The following SNX8 variants were observed in gnomAD, a reference collection of about 807,000 sequenced individuals.
The protein encoded by SNX8 is sorting nexin-8.
SNX8 carries 25 observed loss-of-function variants against 51.6 expected under a neutral mutation model. That is an observed-to-expected ratio of 0.48 (90% CI 0.35 to 0.68). The LOEUF is 0.68. Ranked by LOEUF, SNX8 falls within the 30% of genes least tolerant of loss-of-function variation. The pLI is 0.00. For synonymous variants in SNX8, 324 were observed against 277.0 expected (o/e 1.17, Z -1.68); for missense variants, 695 against 624.0 (o/e 1.11, Z -1.21).
intron 1 of SNX8, among the ~76,000 whole-genome samples, chr7:2,281,436 A>C (rs1483406683): frequency 6.6e-6 from 1 of 151,970 alleles, no homozygotes; most frequent in African/African-American, 2.4e-5. Flanking sequence ...AAAAAGGAAA[A>C]AAAAAAAAAC....
intron 1 of SNX8, among the ~76,000 whole-genome samples, chr7:2,298,806 C>T (rs1378180513): frequency 6.6e-6 from 1 of 151,954 alleles, no homozygotes; most frequent in Non-Finnish European, 1.5e-5. Flanking sequence ...ATTCTCATAC[C>T]TCAGCCTCCC....
At chr7:2,332,995 C>A (rs1174150356) in intron 1 of SNX8, among the ~76,000 whole-genome samples, 1 of 152,074 alleles carries the variant, frequency 6.6e-6, no homozygotes, top group Non-Finnish European at 1.5e-5. Flanking sequence ...GTAAGCTGGG[C>A]ACAGTGGCTA....
intron 1 of SNX8, among the ~76,000 whole-genome samples, chr7:2,306,262 G>T (rs1293642432): frequency 2.6e-5 from 4 of 152,068 alleles, no homozygotes; most frequent in African/African-American, 9.7e-5. Flanking sequence ...CGAGTAGCTG[G>T]GATTACAGGC....
chr7:2,310,688 G>A (rs150816944), intron 1 of SNX8, among the ~76,000 whole-genome samples: 5,365 of 151,992 alleles, frequency 0.035, 216 homozygotes, highest in African/African-American at 0.085. Context: ...GAAGAATGGC[G>A]TCAACCCAGG....
intron 1 of SNX8, chr7:2,310,078 G>C (rs531372884): frequency 1.1e-5 from 4 of 354,314 alleles, no homozygotes; most frequent in South Asian, 6.3e-5. Context: ...TCAATGTAGG[G>C]CCGCAGGACT....
intron 1 of SNX8, among the ~76,000 whole-genome samples, chr7:2,323,896 G>C (rs540310705): frequency 4.5e-4 from 69 of 152,044 alleles, no homozygotes; most frequent in African/African-American, 1.6e-3. Flanking sequence ...ACCTCAGGTG[G>C]ATCACCTGAG....
intron 1 of SNX8, among the ~76,000 whole-genome samples, chr7:2,304,638 T>A (rs1173928833): frequency 6.6e-6 from 1 of 152,052 alleles, no homozygotes; most frequent in Non-Finnish European, 1.5e-5. Flanking sequence ...GCACGCCCAT[T>A]TGCACATAAC....
Position 2,305,360 on chromosome 7 carries a change from TTTTG to T in SNX8, c.94+8964_94+8967del, listed in dbSNP as rs201713348. ...CAGGTTTTCCCCCAACATTTTGTAT[TTTTG>T]TTTGTTTGTTTGTTTTTGAGATAAA... On this transcript the variant is annotated intron_variant, in intron 1 of 10. Coordinates refer to ENST00000222990, the MANE Select transcript of SNX8 (RefSeq NM_013321.4). Among the ~76,000 whole-genome samples, 1,503 of 152,110 alleles carry T rather than the reference TTTTG, an allele frequency of 9.9e-3. 18 individuals are homozygous for T. The highest frequency in any genetic ancestry group is 0.028 in the African/African-American group (1,177 of 41,518).
intron 1 of SNX8, among the ~76,000 whole-genome samples, chr7:2,326,132 G>T (rs1014128355): frequency 6.7e-6 from 1 of 148,456 alleles, no homozygotes; most frequent in Admixed American, 6.7e-5. Context: ...AGCACTGTGG[G>T]AGGCTGAGTT....
At chr7:2,317,251 C>CTTTTTTT (rs780593342), upstream of SNX8, among the ~76,000 whole-genome samples, 18 of 43,114 alleles carry the variant, frequency 4.2e-4, 3 homozygotes, top group African/African-American at 1.0e-3. Context: ...CCTGGACCTT[C>CTTTTTTT]TTTTTTTTTT....
chr7:2,295,751 A>AT (rs1236720534), intron 1 of SNX8, among the ~76,000 whole-genome samples: 18 of 151,934 alleles, frequency 1.2e-4, no homozygotes, highest in Non-Finnish European at 1.5e-5. Flanking sequence ...TCTTGAGTTG[A>AT]TTTTTGCATA....
intron 1 of SNX8, among the ~76,000 whole-genome samples, chr7:2,323,190 C>T (rs1346491460): frequency 5.3e-5 from 8 of 151,808 alleles, no homozygotes; most frequent in African/African-American, 1.9e-4. Flanking sequence ...ATTAGCTGGA[C>T]ATGATGGCAG....
At chr7:2,303,090 C>T (rs1223881362) in intron 1 of SNX8, among the ~76,000 whole-genome samples, 2 of 149,326 alleles carry the variant, frequency 1.3e-5, no homozygotes, top group Admixed American at 6.6e-5. Context: ...CCAGCCGCCC[C>T]GTCCGGGAGG....
At chr7:2,344,615 A>AG (rs1778988469) in intron 1 of SNX8, among the ~76,000 whole-genome samples, 1 of 149,426 alleles carries the variant, frequency 6.7e-6, no homozygotes, top group Non-Finnish European at 1.5e-5. Context: ...CCAACTCAAA[A>AG]AAAAAAAAAA....
At chr7:2,275,016 C>T (rs900069070) in intron 3 of SNX8, 96 bp downstream of exon 3, 6 of 844,120 alleles carry the variant, frequency 7.1e-6, no homozygotes, top group Non-Finnish European at 1.2e-5. Flanking sequence ...GCACCTGCCC[C>T]GGTCTACAGT....
intron 1 of SNX8, among the ~76,000 whole-genome samples, chr7:2,279,340 A>G (rs1431796878): frequency 6.6e-6 from 1 of 151,804 alleles, no homozygotes. Context: ...GGACTCACTC[A>G]CACTACGGAG....
chr7:2,273,998 G>A (rs919667410), intron 3 of SNX8, among the ~76,000 whole-genome samples: 1 of 152,110 alleles, frequency 6.6e-6, no homozygotes, highest in African/African-American at 2.4e-5. Context: ...GGCCTCTTCC[G>A]ATGAGGCTGC....
At chr7:2,298,036 A>T (rs1408752729) in intron 1 of SNX8, among the ~76,000 whole-genome samples, 2 of 152,010 alleles carry the variant, frequency 1.3e-5, no homozygotes, top group African/African-American at 2.4e-5. Context: ...AAATAAAAAT[A>T]TTTTTTTAAA....
upstream of SNX8, chr7:2,314,557 CG>C: frequency 1.1e-6 from 1 of 887,660 alleles, no homozygotes; most frequent in Non-Finnish European, 1.4e-6. Context: ...TCCGCCCCTG[CG>C]GGCCCGCCGC....
Sources: allele counts gnomAD v4.1 joint callset (sites outside exome capture counted in the v4.1 genomes callset), GRCh38; gene constraint gnomAD v4.1.1; transcripts MANE v1.5; gene names NCBI Gene and HGNC (gene_info 2026-07-23, HGNC 2026-07-21).